Variants in PIP5K1C observed in about 807,000 individuals in gnomAD.
PIP5K1C encodes phosphatidylinositol 4-phosphate 5-kinase type-1 gamma.
Under a neutral mutation model 80.1 loss-of-function variants are expected in PIP5K1C, and 45 were observed. The observed-to-expected ratio is 0.56, with a 90% CI of 0.44 to 0.72. The LOEUF (loss-of-function observed/expected upper bound fraction) is 0.72, where lower values mean the gene tolerates loss of function less well. Ranked by LOEUF, PIP5K1C falls within the 30% of genes least tolerant of loss-of-function variation. The probability of loss-of-function intolerance (pLI) is 0.00; values close to 1 mark genes in which losing one functional copy is unlikely to be tolerated. For missense variants in PIP5K1C, 753 were observed against 954.6 expected (o/e 0.79, Z 2.78); for synonymous variants, 498 against 420.1 (o/e 1.19, Z -2.27).
intron 1 of PIP5K1C, among the ~76,000 whole-genome samples, chr19:3,678,562 G>C (rs1292184014): frequency 8.7e-6 from 1 of 115,220 alleles, no homozygotes; most frequent in African/African-American, 3.6e-5. Flanking sequence ...ATGGAAGGAG[G>C]GATGGAGGGA....
In PIP5K1C at chr19:3,637,856, C is replaced by T. The variant is rs1409838054; in HGVS notation, c.1920+1028G>A. 2 of 1,535,292 alleles carry T rather than the reference C, an allele frequency of 1.3e-6. No homozygotes were observed. The highest frequency in any genetic ancestry group is 1.4e-5 in the African/African-American group (1 of 73,024). On this transcript the variant is annotated intron_variant, in intron 16 of 17. Coordinates refer to ENST00000335312, the MANE Select transcript of PIP5K1C (RefSeq NM_012398.3). The surrounding 1 kb of genome is among the most constrained non-coding windows in gnomAD (Gnocchi z 7.0). ...ACAGACACACAGCACGACATGGCCC[C>T]CAGGCCCCCCGTACCATCCGGAGAC...
rs573210420 is a variant in PIP5K1C, at chr19:3,692,121, G to C, written c.94+8176C>G. Among the ~76,000 whole-genome samples the C allele has an allele frequency of 2.6e-5, 4 of 152,324 alleles. No homozygotes were observed. The highest frequency in any genetic ancestry group is 1.9e-4 in the East Asian group (1 of 5,190). On this transcript the variant is annotated intron_variant, in intron 1 of 17. Coordinates refer to ENST00000335312, the MANE Select transcript of PIP5K1C (RefSeq NM_012398.3). The surrounding 1 kb of genome is among the most constrained non-coding windows in gnomAD (Gnocchi z 5.2). ...CCACCATGGGCAGGGCCGGCTCTGAGCCTTTTGTGTGCATTGACTCATCTA... is the reference window on the plus strand; with the variant it reads ...CCACCATGGGCAGGGCCGGCTCTGACCCTTTTGTGTGCATTGACTCATCTA...
intron 1 of PIP5K1C, among the ~76,000 whole-genome samples, chr19:3,671,053 G>A (rs1227137175): frequency 6.6e-6 from 1 of 152,228 alleles, no homozygotes; most frequent in Non-Finnish European, 1.5e-5. Flanking sequence ...TCCAGGGTGT[G>A]GGGGAAGGAA....
chr19:3,674,004 A>G (rs1323292589), intron 1 of PIP5K1C: 2 of 152,212 alleles, frequency 1.3e-5, no homozygotes, highest in African/African-American at 4.8e-5. Context: ...TGACCAACAG[A>G]ATGTGATGCA....
Position 3,632,203 on chromosome 19 carries a change from G to C in PIP5K1C, c.*964C>G, listed in dbSNP as rs1372660866. 6.6e-6 allele frequency: 1 copy of C among 152,328 alleles called. No homozygotes were observed. The highest frequency in any genetic ancestry group is 1.5e-5 in the Non-Finnish European group (1 of 68,096). 9.4% of individuals were successfully genotyped at this position (152,328 alleles called of 1,614,324 possible). ...ACCAGTCCTGAAGGAGACTCCTGTG[G>C]AGCCGGGCCTGGCCCCCTAGGCCAT... On this transcript the variant is annotated 3_prime_UTR_variant, in exon 18 of 18. Coordinates refer to ENST00000335312, the MANE Select transcript of PIP5K1C (RefSeq NM_012398.3).
chr19:3,667,515 G>A (rs774470594), intron 1 of PIP5K1C, among the ~76,000 whole-genome samples, 162 bp from the exon 2 acceptor site: 5 of 152,232 alleles, frequency 3.3e-5, no homozygotes, highest in South Asian at 2.1e-4. Flanking sequence ...GACTGAGTGC[G>A]CTGGGAGGAT....
At chr19:3,653,624 C>A in intron 6 of PIP5K1C, 35 bp from the exon 7 acceptor site, 1 of 1,585,202 alleles carries the variant, frequency 6.3e-7, no homozygotes, top group South Asian at 1.1e-5. Flanking sequence ...TGGAGGGCGG[C>A]TGGGCCACAG....
intron 4 of PIP5K1C, 54 bp from the exon 5 acceptor site, chr19:3,661,137 C>A (rs1389062196): frequency 6.6e-6 from 8 of 1,211,756 alleles, no homozygotes; most frequent in South Asian, 6.1e-5. Context: ...ACCTCTCCCC[C>A]ACCCCCGCCA....
At chr19:3,660,319 A>G (rs1275028099) in intron 5 of PIP5K1C, among the ~76,000 whole-genome samples, 1 of 151,844 alleles carries the variant, frequency 6.6e-6, no homozygotes, top group Non-Finnish European at 1.5e-5. Context: ...GGCGGAGCTT[A>G]CAGTGAGCCG....
At chr19:3,690,460 G>T (rs2035914659) in intron 1 of PIP5K1C, among the ~76,000 whole-genome samples, 1 of 150,732 alleles carries the variant, frequency 6.6e-6, no homozygotes, top group Admixed American at 6.6e-5. Context: ...TCTAGCCTGG[G>T]TGATACAGCG....
chr19:3,642,410 C>T (rs755847518), intron 14 of PIP5K1C, among the ~76,000 whole-genome samples: 1 of 152,206 alleles, frequency 6.6e-6, no homozygotes, highest in Admixed American at 6.5e-5. Flanking sequence ...ACAGGAACGG[C>T]GCGCACCCAC....
At chr19:3,672,298 C>T (rs776347446) in intron 1 of PIP5K1C, among the ~76,000 whole-genome samples, 1 of 152,222 alleles carries the variant, frequency 6.6e-6, no homozygotes, top group Non-Finnish European at 1.5e-5. Flanking sequence ...CCTGGCCCTG[C>T]CAGTGCTCCC....
chr19:3,681,514 G>T (rs1600073255), intron 1 of PIP5K1C, among the ~76,000 whole-genome samples: 1 of 152,118 alleles, frequency 6.6e-6, no homozygotes, highest in East Asian at 1.9e-4. Flanking sequence ...TTACAGGCAT[G>T]AGCCACCGCG....
intron 7 of PIP5K1C, among the ~76,000 whole-genome samples, chr19:3,652,466 G>A (rs1159205681): frequency 6.6e-6 from 1 of 152,184 alleles, no homozygotes; most frequent in Non-Finnish European, 1.5e-5. Context: ...TGGGGGTATG[G>A]GTCAAGTTCT....
At chr19:3,697,947 T>A (rs1425642416) in intron 1 of PIP5K1C, among the ~76,000 whole-genome samples, 2 of 152,144 alleles carry the variant, frequency 1.3e-5, no homozygotes, top group African/African-American at 4.8e-5. Context: ...CCCAGGCAAT[T>A]AGAGGAACCA....
chr19:3,678,435 G>A (rs1210683147), intron 1 of PIP5K1C, among the ~76,000 whole-genome samples: 4 of 131,706 alleles, frequency 3.0e-5, no homozygotes, highest in Admixed American at 7.4e-5. Context: ...AGGGATGGAG[G>A]ATGGAGAGAT....
intron 16 of PIP5K1C, among the ~76,000 whole-genome samples, chr19:3,635,807 G>A (rs1456472935): frequency 2.6e-5 from 4 of 151,984 alleles, no homozygotes; most frequent in African/African-American, 7.3e-5. Flanking sequence ...GTGAAACCTC[G>A]TCTCTACTAA....
Position 3,645,983 on chromosome 19 carries a change from T to G in PIP5K1C, c.1336A>C (p.Lys446Gln), listed in dbSNP as rs779062684. Residue 446 changes from lysine to glutamine, a missense_variant, in exon 11 of 18, where the codon AAG (lysine) becomes CAG (glutamine). By Grantham distance (53) the Lys-to-Gln change is moderately conservative. Around this residue, in one of 6 missense-constraint regions of PIP5K1C, gnomAD observed 114 missense variants for 152.4 expected, o/e 0.75. Coordinates refer to ENST00000335312, the MANE Select transcript of PIP5K1C (RefSeq NM_012398.3). Reference protein sequence around the residue: ...FKFMSNTVFRKNSSLKSSPSK... With the variant: ...FKFMSNTVFRQNSSLKSSPSK... ...GGCTCAGGTGGCTTACAGGAGTTCT[T>G]CCGAAAGACCGTGTTGCTCATGAAC... 2 of 1,612,976 alleles carry G rather than the reference T, an allele frequency of 1.2e-6. No individual in the cohort carries two copies.
intron 1 of PIP5K1C, among the ~76,000 whole-genome samples, chr19:3,687,258 A>G (rs1400222140): frequency 6.6e-6 from 1 of 152,106 alleles, no homozygotes; most frequent in African/African-American, 2.4e-5. Context: ...GCTACTCAGG[A>G]GGCTGAGATA....
Sources: gnomAD v4.1 joint callset for allele counts (sites outside exome capture counted in the v4.1 genomes callset) on GRCh38, gnomAD v4.1.1 for gene constraint, gnomAD v4.1.1 regional missense constraint, Gnocchi (gnomAD v3.1) non-coding constraint, MANE v1.5 for transcripts, NCBI Gene and HGNC (gene_info 2026-07-23, HGNC 2026-07-21) for gene names.